HIVEP3: variants seen among roughly 807,000 people sequenced by gnomAD.
HIVEP3 encodes transcription factor HIVEP3.
A neutral mutation model predicts 152.8 loss-of-function variants in HIVEP3; 49 were observed. The observed-to-expected ratio is 0.32, with a 90% confidence interval of 0.26 to 0.41. The LOEUF is 0.41. Among genes scored for constraint, HIVEP3 ranks in the 10% least tolerant of loss-of-function variants. The pLI is 1.00. For synonymous variants in HIVEP3, 1,269 were observed against 1,289.0 expected (o/e 0.98, Z 0.33); for missense variants, 2,790 against 3,103.3 (o/e 0.90, Z 2.40).
chr1:42,034,179 G>A (rs1645628486), intron 1 of HIVEP3, among the ~76,000 whole-genome samples: 1 of 152,120 alleles, frequency 6.6e-6, no homozygotes, highest in Admixed American at 6.5e-5. Context: ...AGATTTAAGT[G>A]ACACAAGAAC....
At chr1:41,732,190 C>T (rs923804489) in intron 1 of HIVEP3, among the ~76,000 whole-genome samples, 5 of 152,158 alleles carry the variant, frequency 3.3e-5, no homozygotes, top group African/African-American at 1.2e-4. Context: ...AGCCATGGTG[C>T]AGCTTGGGCC....
chr1:41,991,337 A>C (rs2124516954), intron 1 of HIVEP3, among the ~76,000 whole-genome samples: 1 of 151,068 alleles, frequency 6.6e-6, no homozygotes, highest in Admixed American at 6.6e-5. Flanking sequence ...TCCCACAGAA[A>C]TACAAACTAC....
intron 1 of HIVEP3, among the ~76,000 whole-genome samples, chr1:41,747,230 G>A (rs2124216777): frequency 6.6e-6 from 1 of 152,280 alleles, no homozygotes; most frequent in East Asian, 1.9e-4. Context: ...GGTGAGGGGT[G>A]GTACGCTGGG....
In HIVEP3 at chr1:41,508,714, C is replaced by T. The variant is rs1214647161; in HGVS notation, c.*1737G>A. The T allele has an allele frequency of 1.3e-5, 2 of 152,320 alleles. No individual in the cohort carries two copies. Among genetic ancestry groups the T allele is most frequent in the African/African-American group, 4.8e-5 (2 of 41,452 alleles). 9.4% of individuals were successfully genotyped at this position (152,320 alleles called of 1,614,324 possible). ...CCGCACAGGGAACTCACAGAAGGGT[C>T]TTAACCCTCCCCACCTACTGTGTCC... On this transcript the variant is annotated 3_prime_UTR_variant, in exon 9 of 9. Transcript: ENST00000372583.
rs1644394589 is a variant in HIVEP3 at position 41,580,914 on chromosome 1, C to G, written c.3884G>C (p.Ser1295Thr). ...IRLPPVAPPA[S>T]SSAPTSAPPL... Reference sequence around the variant, plus strand: ...AGGAGCTGATGTAGGTGCTGAGGAGCTGGCTGGGGGAGCCACAGGGGGTAG... The same window carrying G: ...AGGAGCTGATGTAGGTGCTGAGGAGGTGGCTGGGGGAGCCACAGGGGGTAG... The change falls in exon 4 of 9, where the codon AGC becomes ACC. Residue 1295 changes from serine (S) to threonine (T), a missense_variant. Transcript: ENST00000372583. The G allele has an allele frequency of 6.2e-7, 1 of 1,612,690 alleles. No individual in the cohort carries two copies. The highest frequency in any genetic ancestry group is 1.7e-5 in the Admixed American group (1 of 59,902).
chr1:41,970,994 T>C (rs1477196561), intron 1 of HIVEP3, among the ~76,000 whole-genome samples: 1 of 152,194 alleles, frequency 6.6e-6, no homozygotes, highest in Non-Finnish European at 1.5e-5. Context: ...TTCTGTTGTA[T>C]ATAGATTTGA....
At chr1:41,529,697 AAT>A (rs1158254696) in intron 5 of HIVEP3, among the ~76,000 whole-genome samples, 1 of 136,094 alleles carries the variant, frequency 7.3e-6, no homozygotes, top group Admixed American at 7.6e-5. Flanking sequence ...TCTCCACTTG[AAT>A]ACTCATATAC....
chr1:41,629,187 G>T (rs918346329), intron 2 of HIVEP3, among the ~76,000 whole-genome samples: 1 of 152,070 alleles, frequency 6.6e-6, no homozygotes, highest in Non-Finnish European at 1.5e-5. Flanking sequence ...CAAGATTTCC[G>T]GTTCCCCTGG....
intron 1 of HIVEP3, among the ~76,000 whole-genome samples, chr1:41,774,635 C>A (rs1246134172): frequency 6.6e-6 from 1 of 152,104 alleles, no homozygotes; most frequent in Non-Finnish European, 1.5e-5. Context: ...TAAATCACAT[C>A]TTTCCCAATA....
intron 1 of HIVEP3, among the ~76,000 whole-genome samples, chr1:41,856,670 G>A (rs1387737931): frequency 6.6e-6 from 1 of 152,140 alleles, no homozygotes; most frequent in South Asian, 2.1e-4. Flanking sequence ...GAGGAAGGGA[G>A]GGACAATTTA....
chr1:41,621,424 G>C (rs1645045371), intron 3 of HIVEP3, among the ~76,000 whole-genome samples: 1 of 152,200 alleles, frequency 6.6e-6, no homozygotes, highest in Non-Finnish European at 1.5e-5. Context: ...GGCCCCCTCT[G>C]TCTCCCAAGG....
At position 41,685,774 on chromosome 1, in the gene HIVEP3, C is replaced by T. The variant is rs75696814; in HGVS notation, c.-721+15142G>A. Among the ~76,000 whole-genome samples the T allele has an allele frequency of 9.3e-3, 1,417 of 152,302 alleles. 15 individuals carry two copies. The highest frequency in any genetic ancestry group is 0.029 in the African/African-American group (1,223 of 41,558). ...GCTGGATTGTAAGTTCCCTAAGGCACCTTCTGTGTGATACTCATCTTTGTA... is the reference window on the plus strand; with the variant it reads ...GCTGGATTGTAAGTTCCCTAAGGCATCTTCTGTGTGATACTCATCTTTGTA... On this transcript the variant is annotated intron_variant, in intron 2 of 8. Coordinates refer to ENST00000372583, the MANE Select transcript of HIVEP3 (RefSeq NM_024503.5).
intron 1 of HIVEP3, among the ~76,000 whole-genome samples, chr1:42,018,709 T>G (rs978963306): frequency 1.3e-5 from 2 of 152,018 alleles, no homozygotes; most frequent in African/African-American, 4.8e-5. Context: ...AGGATATAAG[T>G]TCTCCTTGAC....
chr1:41,687,898 A>G (rs1646137086), intron 2 of HIVEP3, among the ~76,000 whole-genome samples: 1 of 152,240 alleles, frequency 6.6e-6, no homozygotes, highest in African/African-American at 2.4e-5. Flanking sequence ...TTATCATTTT[A>G]GGGGTTTCAC....
intron 1 of HIVEP3, among the ~76,000 whole-genome samples, chr1:41,926,950 T>G (rs1570817157): frequency 6.6e-6 from 1 of 152,240 alleles, no homozygotes; most frequent in Non-Finnish European, 1.5e-5. Context: ...AGTTTCAGCT[T>G]TCTAGCACAC....
intron 1 of HIVEP3, among the ~76,000 whole-genome samples, chr1:42,019,700 T>C (rs1304201271): frequency 1.3e-5 from 2 of 151,998 alleles, no homozygotes; most frequent in Non-Finnish European, 2.9e-5. Context: ...TTTTATTTCT[T>C]ACTTTCCAAA....
intron 1 of HIVEP3, among the ~76,000 whole-genome samples, chr1:41,984,121 T>C (rs1645309212): frequency 1.3e-5 from 2 of 152,324 alleles, no homozygotes; most frequent in South Asian, 4.1e-4. Flanking sequence ...AATGAAATTA[T>C]GCACTTAGCT....
chr1:42,000,362 A>C (rs1034197177), intron 1 of HIVEP3, among the ~76,000 whole-genome samples: 6 of 152,164 alleles, frequency 3.9e-5, no homozygotes, highest in African/African-American at 1.4e-4. Flanking sequence ...CCCTTCCCTA[A>C]ACCAGCCACT....
intron 5 of HIVEP3, among the ~76,000 whole-genome samples, chr1:41,550,912 G>A (rs1056206427): frequency 6.6e-6 from 1 of 152,188 alleles, no homozygotes; most frequent in Non-Finnish European, 1.5e-5. Flanking sequence ...CCAACACTAT[G>A]TTGAATAGGA....
Sources: gnomAD v4.1 joint callset for allele counts (sites outside exome capture counted in the v4.1 genomes callset) on GRCh38, gnomAD v4.1.1 for gene constraint, MANE v1.5 for transcripts, NCBI Gene and HGNC (gene_info 2026-07-23, HGNC 2026-07-21) for gene names.